The following TANK variants were observed in gnomAD, a reference collection of about 807,000 sequenced individuals.
TANK encodes the protein TRAF family member associated NFKB activator.
TANK carries 15 observed loss-of-function variants against 43.6 expected under a neutral mutation model. The observed-to-expected ratio is 0.34, with a 90% CI of 0.23 to 0.53. The LOEUF (loss-of-function observed/expected upper bound fraction) is 0.53, where lower values mean the gene tolerates loss of function less well. Ranked by LOEUF, TANK falls within the 20% of genes least tolerant of loss-of-function variation. The pLI is 0.94. For synonymous variants in TANK, 162 were observed against 178.2 expected, an observed-to-expected ratio of 0.91 and a Z score of 0.73; for missense variants, 417 against 498.6, an observed-to-expected ratio of 0.84 and a Z score of 1.56.
intron 1 of TANK, chr2:161,163,230 T>G (rs1684521936): frequency 3.3e-5 from 5 of 152,134 alleles, no homozygotes; most frequent in Admixed American, 3.3e-4. Flanking sequence ...CTGAAAGAAT[T>G]CACTCATGAA....
At chr2:161,139,652 C>A (rs909327966) in intron 1 of TANK, 2 of 974,556 alleles carry the variant, frequency 2.1e-6, no homozygotes, top group Non-Finnish European at 2.4e-6. Context: ...CAAACCTACA[C>A]GTTTCCTCTT....
At chr2:161,182,646 T>C (rs956794395) in intron 2 of TANK, among the ~76,000 whole-genome samples, 1 of 152,122 alleles carries the variant, frequency 6.6e-6, no homozygotes, top group African/African-American at 2.4e-5. Context: ...AACCTTCATA[T>C]GTTCAGCTCC....
chr2:161,197,461 C>A (rs1686206367), intron 2 of TANK: 1 of 152,208 alleles, frequency 6.6e-6, no homozygotes, highest in Admixed American at 6.5e-5. Context: ...AGCTTTTGTT[C>A]ATAAACATGT....
intron 1 of TANK, chr2:161,161,538 A>T (rs1684436329): frequency 6.9e-7 from 1 of 1,444,346 alleles, no homozygotes; most frequent in Non-Finnish European, 9.2e-7. Context: ...TCCTCTCCCC[A>T]GTTGTAATCC....
chr2:161,160,528 A>C, intron 1 of TANK, 42 bp downstream of exon 1: 1 of 1,285,666 alleles, frequency 7.8e-7, no homozygotes, highest in Non-Finnish European at 9.9e-7. Context: ...CGAATCCGTC[A>C]AGCACGACGT....
At chr2:161,166,286 A>G (rs1407476538) in intron 1 of TANK, among the ~76,000 whole-genome samples, 1 of 152,246 alleles carries the variant, frequency 6.6e-6, no homozygotes, top group Non-Finnish European at 1.5e-5. Context: ...AGCGTAGTAC[A>G]ATATGCTATG....
intron 5 of TANK, 49 bp from the exon 6 acceptor site, chr2:161,224,582 A>C (rs1365501208): frequency 3.5e-6 from 3 of 846,742 alleles, no homozygotes; most frequent in Non-Finnish European, 5.3e-6. Context: ...TATTTAAAAA[A>C]CTTGGAAGTT....
intron 4 of TANK, among the ~76,000 whole-genome samples, chr2:161,208,372 C>G (rs1049541156): frequency 1.3e-5 from 2 of 152,110 alleles, no homozygotes; most frequent in Non-Finnish European, 2.9e-5. Flanking sequence ...GAGGTAAAGA[C>G]AAAGCCTCTA....
chr2:161,190,647 C>T (rs1484920188), intron 2 of TANK, among the ~76,000 whole-genome samples: 5 of 152,132 alleles, frequency 3.3e-5, no homozygotes, highest in African/African-American at 4.8e-5. Flanking sequence ...AAATTGTACA[C>T]GTGCTACAGA....
intron 1 of TANK, among the ~76,000 whole-genome samples, chr2:161,169,290 G>C (rs1684837064): frequency 6.6e-6 from 1 of 152,178 alleles, no homozygotes; most frequent in Admixed American, 6.5e-5. Context: ...TTGAGGAGTT[G>C]TATTAGTGAT....
intron 4 of TANK, among the ~76,000 whole-genome samples, chr2:161,209,363 GTAACTTATGTCCA>G (rs1558997293): frequency 1.3e-5 from 2 of 152,112 alleles, no homozygotes; most frequent in African/African-American, 2.4e-5. Flanking sequence ...TTCAGACATA[GTAACTTATGTCCA>G]TGTTAGCAGT....
chr2:161,210,212 A>G (rs1686819864), intron 4 of TANK, among the ~76,000 whole-genome samples: 1 of 152,178 alleles, frequency 6.6e-6, no homozygotes, highest in Admixed American at 6.5e-5. Flanking sequence ...GCAAGCAGTA[A>G]GATGTGCTGT....
intron 4 of TANK, among the ~76,000 whole-genome samples, chr2:161,218,145 G>GAT (rs1687200359): frequency 6.6e-6 from 1 of 152,016 alleles, no homozygotes; most frequent in African/African-American, 2.4e-5. Context: ...CTATTTGTAC[G>GAT]ATACATCCTT....
At chr2:161,175,536 G>A (rs1280106103) in intron 1 of TANK, among the ~76,000 whole-genome samples, 1 of 152,068 alleles carries the variant, frequency 6.6e-6, no homozygotes, top group Non-Finnish European at 1.5e-5. Flanking sequence ...CAAATACCTT[G>A]TTCTGATTGA....
chr2:161,164,205 C>T (rs554574802), intron 1 of TANK, among the ~76,000 whole-genome samples: 1 of 152,196 alleles, frequency 6.6e-6, no homozygotes, highest in Non-Finnish European at 1.5e-5. Context: ...AGACTGTTGA[C>T]ATAAAGCTTC....
chr2:161,167,212 G>A (rs1015703031), intron 1 of TANK, among the ~76,000 whole-genome samples: 5 of 152,190 alleles, frequency 3.3e-5, no homozygotes, highest in East Asian at 1.9e-4. Context: ...TCAAGATGGC[G>A]AAAATCCTAC....
chr2:161,169,927 T>C (rs972293393), intron 1 of TANK, among the ~76,000 whole-genome samples: 3 of 152,200 alleles, frequency 2.0e-5, no homozygotes, highest in Admixed American at 2.0e-4. Context: ...AGGTAGTTTA[T>C]GTAAAGCACC....
At chr2:161,156,764 T>G (rs1224608238), upstream of TANK, among the ~76,000 whole-genome samples, 1 of 152,240 alleles carries the variant, frequency 6.6e-6, no homozygotes, top group Non-Finnish European at 1.5e-5. Flanking sequence ...ACTTTGTCAC[T>G]GCGGGTGTTG....
chr2:161,144,832 G>C (rs574867850), intron 1 of TANK, among the ~76,000 whole-genome samples: 1 of 152,264 alleles, frequency 6.6e-6, no homozygotes, highest in East Asian at 1.9e-4. Flanking sequence ...CCAGAGCTGA[G>C]TTCAAATCCT....
Sources: gnomAD v4.1 joint callset for allele counts (sites outside exome capture counted in the v4.1 genomes callset) on GRCh38, gnomAD v4.1.1 for gene constraint, MANE v1.5 for transcripts, NCBI Gene and HGNC (gene_info 2026-07-23, HGNC 2026-07-21) for gene names.